TRAPPC13: variants seen among roughly 807,000 people sequenced by gnomAD.
TRAPPC13 encodes the protein trafficking protein particle complex subunit 13.
Under a neutral mutation model 54.0 loss-of-function variants are expected in TRAPPC13, and 39 were observed. That is an observed-to-expected ratio of 0.72 (90% CI 0.56 to 0.94). The LOEUF is 0.94. Among genes scored for constraint, TRAPPC13 ranks in the 40% least tolerant of loss-of-function variants. TRAPPC13 has a pLI of 0.00. For missense variants in TRAPPC13, 386 were observed against 488.1 expected, an observed-to-expected ratio of 0.79 and a Z score of 1.97; for synonymous variants, 148 against 167.7, an observed-to-expected ratio of 0.88 and a Z score of 0.91.
chr5:65,646,455 A>T (rs1756210627), intron 4 of TRAPPC13, among the ~76,000 whole-genome samples: 1 of 152,200 alleles, frequency 6.6e-6, no homozygotes, highest in African/African-American at 2.4e-5. Context: ...ATATATATTT[A>T]AAAACCATGT....
Position 65,635,992 on chromosome 5 carries a change from G to A in TRAPPC13, c.164G>A (p.Gly55Asp). Reference sequence around the variant, plus strand: ...AGAGATGATCCTTCAACCGTTAATGGTGCAGAAGTTTTAATGTTGGGAGAA... The same window carrying A: ...AGAGATGATCCTTCAACCGTTAATGATGCAGAAGTTTTAATGTTGGGAGAA... ...LMRDDPSTVN[G>D]AEVLMLGEML... Residue 55 changes from glycine to aspartate, a missense_variant, in exon 3 of 13, where the codon GGT becomes GAT. Coordinates refer to ENST00000399438, the MANE Select transcript of TRAPPC13 (RefSeq NM_024941.4). 6.2e-7 allele frequency: 1 copy of A among 1,602,826 alleles called. No homozygotes were observed. Among genetic ancestry groups the A allele is most frequent in the East Asian group, 2.2e-5 (1 of 44,728 alleles).
chr5:65,642,181 G>A (rs1229040629), intron 4 of TRAPPC13, among the ~76,000 whole-genome samples: 2 of 152,086 alleles, frequency 1.3e-5, no homozygotes, highest in African/African-American at 4.8e-5. Flanking sequence ...AAATTAGCTG[G>A]GCGTGCTGGC....
chr5:65,639,489 C>T (rs981691246), intron 4 of TRAPPC13, among the ~76,000 whole-genome samples: 1 of 152,074 alleles, frequency 6.6e-6, no homozygotes, highest in East Asian at 1.9e-4. Context: ...ACGAGACTCC[C>T]ATCTCTACAA....
chr5:65,637,835 T>C, intron 4 of TRAPPC13, 55 bp downstream of exon 4: 1 of 1,085,464 alleles, frequency 9.2e-7, no homozygotes, highest in Non-Finnish European at 1.3e-6. Flanking sequence ...GGTTTTTTTT[T>C]AGGCCGGGCA....
Position 65,664,909 on chromosome 5 carries a change from T to A in TRAPPC13, c.*298T>A, listed in dbSNP as rs936672896. The A allele has an allele frequency of 1.1e-4, 40 of 369,802 alleles. No individual in the cohort carries two copies. The highest frequency in any genetic ancestry group is 8.6e-5 in the South Asian group (3 of 34,742). 22.9% of individuals were successfully genotyped at this position (369,802 alleles called of 1,614,324 possible). A position where few individuals can be genotyped will look rare whatever the true frequency, so the allele number is the denominator to read the frequency against. ...TCTGAGACCATTTGTCCCTAGCAAG[T>A]TATCTAGAACACGAGTCAGCACACT... On this transcript the variant is annotated 3_prime_UTR_variant, in exon 13 of 13. Coordinates refer to ENST00000399438, the MANE Select transcript of TRAPPC13 (RefSeq NM_024941.4).
chr5:65,625,053 C>G lies in TRAPPC13; in HGVS notation c.-8C>G, dbSNP rs747080394. 13 of 1,613,114 alleles carry G rather than the reference C, an allele frequency of 8.1e-6. No homozygotes were observed. In the Admixed American group the frequency reaches 1.7e-4, roughly 21 times the overall value. The stretch of plus-strand genomic sequence containing the variant: ...CCCGTAGGCTGTGGGTCAAAAGTGC[C>G]GGTCAAAATGGAAGTGAATCCCCCT... On this transcript the variant is annotated 5_prime_UTR_variant, in exon 1 of 13. Transcript: ENST00000399438.
At position 65,650,901 on chromosome 5, in the gene TRAPPC13, G is replaced by T. The variant is rs752635073; in HGVS notation, c.501+19G>T. On this transcript the variant is annotated intron_variant, in intron 6 of 12. Coordinates refer to ENST00000399438, the MANE Select transcript of TRAPPC13 (RefSeq NM_024941.4). ...ATTTCAGGTATTGAATATGACAATG[G>T]TAAATAGTTTTTATATGCCTTTTTC... 6.4e-7 allele frequency: 1 copy of T among 1,572,698 alleles called. No homozygotes were observed. The highest frequency in any genetic ancestry group is 8.7e-7 in the Non-Finnish European group (1 of 1,143,446).
intron 4 of TRAPPC13, among the ~76,000 whole-genome samples, chr5:65,638,076 TCACGC>T (rs1755823284): frequency 6.9e-6 from 1 of 144,324 alleles, no homozygotes; most frequent in South Asian, 2.2e-4. Flanking sequence ...TGAGCCAAGA[TCACGC>T]CACTGCACTC....
rs1483265279 is a variant in TRAPPC13, at chr5:65,658,431, A to G, written c.628A>G (p.Lys210Glu). ...GACAACCTCACCTATGTTTATGGAG[A>G]AGGTTTCACTGGAGCCATCTATTAT... ...NMTTSPMFMEKVSLEPSIMYN... is the reference protein window; with the variant it reads ...NMTTSPMFMEEVSLEPSIMYN... Residue 210 changes from lysine to glutamate, a missense_variant, in exon 9 of 13, where the codon AAG becomes GAG. Coordinates refer to ENST00000399438, the MANE Select transcript of TRAPPC13 (RefSeq NM_024941.4). 6.3e-7 allele frequency: 1 copy of G among 1,595,212 alleles called. No individual in the cohort carries two copies. Among genetic ancestry groups the G allele is most frequent in the African/African-American group, 1.3e-5 (1 of 74,666 alleles).
At chr5:65,662,767 A>T (rs1181527489) in intron 11 of TRAPPC13, 1 of 152,132 alleles carries the variant, frequency 6.6e-6, no homozygotes, top group Non-Finnish European at 1.5e-5. Flanking sequence ...TAGTCCTCTT[A>T]GTGTGAATGT....
At chr5:65,630,561 C>T in intron 1 of TRAPPC13, 1 of 1,200,088 alleles carries the variant, frequency 8.3e-7, no homozygotes, top group Non-Finnish European at 1.0e-6. Context: ...ATGTTCTGTT[C>T]CTTTTGTTAC....
chr5:65,629,829 C>G, intron 1 of TRAPPC13: 1 of 1,536,048 alleles, frequency 6.5e-7, no homozygotes, highest in Non-Finnish European at 8.7e-7. Flanking sequence ...GATGCTAAGT[C>G]ACACAGTTAT....
chr5:65,660,851 A>G lies in TRAPPC13; in HGVS notation c.851A>G (p.Asn284Ser). 1 of 1,613,510 alleles carries G rather than the reference A, an allele frequency of 6.2e-7. No individual in the cohort carries two copies. Among genetic ancestry groups the G allele is most frequent in the Non-Finnish European group, 8.5e-7 (1 of 1,179,656 alleles). The change falls in exon 10 of 13, where the codon AAT becomes AGT. Residue 284 changes from asparagine to serine, a missense_variant. Transcript: ENST00000399438. ...IGKLDIVWKT[N>S]LGERGRLQTS... ...AAATTGGATATAGTATGGAAAACAA[A>G]TCTAGGTGAAAGGGGAAGGTTACAG...
At chr5:65,657,003 G>A (rs980341999) in intron 8 of TRAPPC13, among the ~76,000 whole-genome samples, 1 of 152,044 alleles carries the variant, frequency 6.6e-6, no homozygotes, top group Non-Finnish European at 1.5e-5. Context: ...CTTGAACCTG[G>A]GAGGTGGAGG....
At chr5:65,651,764 A>G (rs1217543847) in intron 6 of TRAPPC13, among the ~76,000 whole-genome samples, 1 of 150,562 alleles carries the variant, frequency 6.6e-6, no homozygotes, top group African/African-American at 2.4e-5. Flanking sequence ...AATACTATTC[A>G]TAGGGAAAAA....
chr5:65,643,320 G>A (rs908909021), intron 4 of TRAPPC13, among the ~76,000 whole-genome samples: 5 of 151,814 alleles, frequency 3.3e-5, no homozygotes, highest in Admixed American at 1.3e-4. Flanking sequence ...TGAGAAGAAT[G>A]TATATGTTTT....
At chr5:65,626,088 A>G (rs1336711017) in intron 1 of TRAPPC13, 1 of 91,656 alleles carries the variant, frequency 1.1e-5, no homozygotes, top group Admixed American at 9.6e-5. Context: ...CTGTAAGCTT[A>G]ACCTGAGCAA....
intron 9 of TRAPPC13, among the ~76,000 whole-genome samples, chr5:65,659,967 C>CAAAAAAAA (rs141876171): frequency 4.1e-4 from 39 of 95,218 alleles, no homozygotes; most frequent in Non-Finnish European, 6.4e-4. Flanking sequence ...GTATTTTAAA[C>CAAAAAAAA]AAAAAAAAAA....
rs1233300429 is a variant in TRAPPC13 at position 65,660,826 on chromosome 5, A to AAACAGT, written c.828_829insCAGTAA (p.Lys276_Leu277insGlnTer). ...CATTAAGGGAGTAACAGTAATTGGA[A>AAACAGT]AATTGGATATAGTATGGAAAACAAA... On this transcript the variant is annotated stop_gained and inframe_insertion, in exon 10 of 13. Coordinates refer to ENST00000399438, the MANE Select transcript of TRAPPC13 (RefSeq NM_024941.4). LOFTEE classifies it high-confidence loss of function. 6.2e-7 allele frequency: 1 copy of AAACAGT among 1,613,682 alleles called. No individual in the cohort carries two copies. Among genetic ancestry groups the AAACAGT allele is most frequent in the African/African-American group, 1.3e-5 (1 of 74,904 alleles).
Sources: gnomAD v4.1 joint callset for allele counts (sites outside exome capture counted in the v4.1 genomes callset) on GRCh38, gnomAD v4.1.1 for gene constraint, MANE v1.5 for transcripts, NCBI Gene and HGNC (gene_info 2026-07-23, HGNC 2026-07-21) for gene names.